PPT1: variants seen among roughly 807,000 people sequenced by gnomAD.
The protein encoded by PPT1 is ceroid-palmitoyl-palmitoyl-protein thioesterase 1.
In PPT1, 24 loss-of-function variants were observed where a neutral mutation model predicts 44.0. That is an observed-to-expected ratio of 0.54 (90% CI 0.39 to 0.77). PPT1 has a LOEUF of 0.77. Ranked by LOEUF, PPT1 falls within the 30% of genes least tolerant of loss-of-function variation. The pLI, the probability that PPT1 is intolerant of heterozygous loss-of-function variation, is 0.00. For synonymous variants in PPT1, 148 were observed against 140.2 expected (o/e 1.06, Z -0.39); for missense variants, 341 against 378.8 (o/e 0.90, Z 0.83).
Position 40,073,993 on chromosome 1 carries a change from G to A in PPT1, c.*68C>T. On this transcript the variant is annotated 3_prime_UTR_variant, in exon 9 of 9. Transcript: ENST00000642050. ...TCTGAGCTCAGGCTTGGGCATGAAG[G>A]AAACTGTCTCCCATGTGGTTTGGAA... is the stretch of plus-strand genomic sequence containing the variant. 1.2e-6 allele frequency: 2 copies of A among 1,601,306 alleles called. No homozygotes were observed. Among genetic ancestry groups the A allele is most frequent in the Non-Finnish European group, 1.7e-6 (2 of 1,170,172 alleles).
chr1:40,080,740 G>A lies in PPT1; in HGVS notation c.537-253C>T, dbSNP rs60246759. Among the ~76,000 whole-genome samples the A allele has an allele frequency of 0.01, 1,552 of 152,278 alleles. 26 individuals are homozygous for A. Among genetic ancestry groups the A allele is most frequent in the East Asian group, 0.036 (184 of 5,168 alleles). On this transcript the variant is annotated intron_variant, in intron 5 of 8. Coordinates refer to ENST00000642050, the MANE Select transcript of PPT1 (RefSeq NM_000310.4). ...ACTACAAAAATTAGCCAGGCGCGGC[G>A]GCAGGCGCCTGTAATCCTAGCTACT... is the stretch of plus-strand genomic sequence containing the variant.
intron 1 of PPT1, among the ~76,000 whole-genome samples, chr1:40,093,625 G>A (rs928843799): frequency 5.9e-5 from 9 of 152,044 alleles, no homozygotes; most frequent in African/African-American, 2.2e-4. Context: ...CATGGCTCAC[G>A]TCTGTAATCC....
rs201820661 is a variant in PPT1, at chr1:40,091,399, C to T, written c.363G>A (p.Leu121=). 14 of 1,612,900 alleles carry T rather than the reference C, an allele frequency of 8.7e-6. No homozygotes were observed. The Admixed American group carries it at 2.0e-4, about 23-fold the overall frequency. ...AMGFSQGGQF[L]RAVAQRCPSP... is the part of the protein sequence containing the mutation. The stretch of plus-strand genomic sequence containing the variant: ...AAGGGCATCTCTGAGCCACTGCCCT[C>T]CTACGGAATAAAAGGGAGTTTTAGC... The change falls in exon 4 of 9, where the codon CTG becomes CTA. Residue 121 remains leucine (L), a splice_region_variant and synonymous_variant. Transcript: ENST00000642050.
intron 3 of PPT1, among the ~76,000 whole-genome samples, chr1:40,091,628 C>T (rs2124487156): frequency 6.6e-6 from 1 of 152,258 alleles, no homozygotes; most frequent in South Asian, 2.1e-4. Flanking sequence ...CTTTGGGAGG[C>T]TGAGGTGGGT....
In PPT1 at chr1:40,073,193, C is replaced by G. The variant is rs1648362037; in HGVS notation, c.*868G>C. 1 of 152,132 alleles carries G rather than the reference C, an allele frequency of 6.6e-6. No homozygotes were observed. The highest frequency in any genetic ancestry group is 1.5e-5 in the Non-Finnish European group (1 of 68,040). The allele number at this position is 152,132 out of a possible 1,614,324, so 9.4% of individuals were successfully genotyped here. On this transcript the variant is annotated 3_prime_UTR_variant, in exon 9 of 9. Transcript: ENST00000642050. ...TGTTTTGGGGATGGAAGTCAGAAAG[C>G]CTGATCTTTTTCATATGGTTCCTCC...
chr1:40,094,083 A>AT (rs1316012197), intron 1 of PPT1: 1 of 652,876 alleles, frequency 1.5e-6, no homozygotes, highest in Admixed American at 2.5e-5. Context: ...CAAATGAAAA[A>AT]TAAGCAGAGG....
intron 6 of PPT1, among the ~76,000 whole-genome samples, chr1:40,079,371 C>G (rs1241507099): frequency 7.1e-6 from 1 of 141,566 alleles, no homozygotes; most frequent in Non-Finnish European, 1.5e-5. Context: ...CACGGGATTG[C>G]TTACACAGCC....
chr1:40,080,265 A>C (rs1035175477), intron 6 of PPT1, 132 bp downstream of exon 6: 22 of 947,104 alleles, frequency 2.3e-5, no homozygotes, highest in Non-Finnish European at 3.2e-5. Flanking sequence ...CCTGCCTCCC[A>C]AAAAAAACAG....
At chr1:40,093,567 T>C (rs917993173) in intron 1 of PPT1, among the ~76,000 whole-genome samples, 2 of 152,170 alleles carry the variant, frequency 1.3e-5, no homozygotes, top group Non-Finnish European at 2.9e-5. Flanking sequence ...TTAGCTCCTG[T>C]TTATCAAGTA....
At chr1:40,080,369 T>C (rs749302404) in intron 6 of PPT1, 28 bp downstream of exon 6, 29 of 1,600,078 alleles carry the variant, frequency 1.8e-5, no homozygotes, top group Non-Finnish European at 2.4e-5. Context: ...AGAACGCACA[T>C]CTATGGGAGC....
chr1:40,072,097 T>C, downstream of PPT1: 1 of 401,954 alleles, frequency 2.5e-6, no homozygotes, highest in Non-Finnish European at 4.4e-6. Flanking sequence ...TTATTCTCTA[T>C]TCTATCCTGG....
rs553841354 is a variant in PPT1, at chr1:40,083,366, G to T, written c.537-2879C>A. Among the ~76,000 whole-genome samples, 3 of 152,280 alleles carry T rather than the reference G, an allele frequency of 2.0e-5. No individual in the cohort carries two copies. The South Asian group carries it at 6.2e-4, about 32-fold the overall frequency. ...GCTACTCAGGAGGCTGAAGTGGGAGGATGGCTTGAGTCCAGGAGGTGAAGG... is the reference window on the plus strand; with the variant it reads ...GCTACTCAGGAGGCTGAAGTGGGAGTATGGCTTGAGTCCAGGAGGTGAAGG... On this transcript the variant is annotated intron_variant, in intron 5 of 8. Coordinates refer to ENST00000642050, the MANE Select transcript of PPT1 (RefSeq NM_000310.4).
intron 5 of PPT1, among the ~76,000 whole-genome samples, chr1:40,088,981 T>C (rs912915794): frequency 2.6e-5 from 4 of 152,080 alleles, no homozygotes; most frequent in Non-Finnish European, 5.9e-5. Context: ...ATTGAGCAGA[T>C]AGTACAAAAA....
intron 8 of PPT1, among the ~76,000 whole-genome samples, chr1:40,074,889 GAC>G (rs1168720817): frequency 6.6e-6 from 1 of 152,182 alleles, no homozygotes; most frequent in Non-Finnish European, 1.5e-5. Flanking sequence ...AGCCATAGAC[GAC>G]ACTGCCTCAG....
At chr1:40,086,257 G>A (rs1173657564) in intron 5 of PPT1, among the ~76,000 whole-genome samples, 1 of 152,114 alleles carries the variant, frequency 6.6e-6, no homozygotes, top group African/African-American at 2.4e-5. Flanking sequence ...GGGATGGCAG[G>A]GAGCAAACCG....
At chr1:40,080,276 A>C (rs533370055) in intron 6 of PPT1, 121 bp downstream of exon 6, 2 of 1,065,780 alleles carry the variant, frequency 1.9e-6, no homozygotes, top group African/African-American at 3.1e-5. Flanking sequence ...AAAAAAACAG[A>C]ACTTCTCTTT....
chr1:40,096,055 T>G (rs1649823867), intron 1 of PPT1, among the ~76,000 whole-genome samples: 1 of 152,170 alleles, frequency 6.6e-6, no homozygotes, highest in Admixed American at 6.5e-5. Context: ...CCAGACATAC[T>G]TCCACATCAG....
chr1:40,090,382 A>G (rs796340970), intron 4 of PPT1, among the ~76,000 whole-genome samples: 1 of 151,908 alleles, frequency 6.6e-6, no homozygotes, highest in African/African-American at 2.4e-5. Flanking sequence ...ATAAGTGCAT[A>G]TGTGTGTATA....
At chr1:40,080,177 A>T (rs1648845875) in intron 6 of PPT1, among the ~76,000 whole-genome samples, 1 of 152,204 alleles carries the variant, frequency 6.6e-6, no homozygotes, top group African/African-American at 2.4e-5. Context: ...GTGTTTCAAC[A>T]CTAGGAGAGG....
Sources: gnomAD v4.1 joint callset for allele counts (sites outside exome capture counted in the v4.1 genomes callset) on GRCh38, gnomAD v4.1.1 for gene constraint, MANE v1.5 for transcripts, NCBI Gene and HGNC (gene_info 2026-07-23, HGNC 2026-07-21) for gene names.